Variants in NR2F1-AS1 observed in about 807,000 individuals in gnomAD.
NR2F1-AS1 encodes NR2F1 antisense RNA 1.
intron 4 of NR2F1-AS1, among the ~76,000 whole-genome samples, chr5:93,414,616 T>C (rs914776417): frequency 1.5e-4 from 23 of 152,140 alleles, no homozygotes; most frequent in African/African-American, 5.3e-4. Flanking sequence ...CTGAACCAAT[T>C]GTCATTTCTG....
chr5:93,499,009 G>C (rs1215896859), intron 4 of NR2F1-AS1, among the ~76,000 whole-genome samples: 1 of 152,010 alleles, frequency 6.6e-6, no homozygotes, highest in Non-Finnish European at 1.5e-5. Context: ...AAAAGGAAAA[G>C]CAAGGCAGAG....
At chr5:93,504,841 T>G (rs1209847185) in intron 4 of NR2F1-AS1, among the ~76,000 whole-genome samples, 1 of 152,094 alleles carries the variant, frequency 6.6e-6, no homozygotes, top group Non-Finnish European at 1.5e-5. Context: ...AAGTTGATAT[T>G]TGGGTAGGGA....
At chr5:93,440,292 G>A (rs1225087400) in intron 4 of NR2F1-AS1, among the ~76,000 whole-genome samples, 4 of 151,968 alleles carry the variant, frequency 2.6e-5, no homozygotes, top group African/African-American at 9.7e-5. Context: ...CCAGAAACTT[G>A]ATTAAACATT....
chr5:93,525,441 A>G (rs1444101478), intron 4 of NR2F1-AS1, among the ~76,000 whole-genome samples: 1 of 152,210 alleles, frequency 6.6e-6, no homozygotes, highest in Non-Finnish European at 1.5e-5. Context: ...TGTCAATATT[A>G]GACGGATCAA....
chr5:93,539,708 C>A (rs1359556674), intron 4 of NR2F1-AS1, among the ~76,000 whole-genome samples: 2 of 152,052 alleles, frequency 1.3e-5, no homozygotes, highest in African/African-American at 4.8e-5. Flanking sequence ...AGTAAGGTAA[C>A]TATGGTTAAC....
At chr5:93,572,811 G>A (rs889802142) in intron 1 of NR2F1-AS1, among the ~76,000 whole-genome samples, 2 of 152,360 alleles carry the variant, frequency 1.3e-5, no homozygotes, top group Admixed American at 6.5e-5. Flanking sequence ...ACCTCAGAGG[G>A]CTGCTATTAA....
chr5:93,511,810 G>A (rs1296076153), intron 4 of NR2F1-AS1, among the ~76,000 whole-genome samples: 1 of 152,072 alleles, frequency 6.6e-6, no homozygotes, highest in Admixed American at 6.6e-5. Flanking sequence ...GCATGCGAGG[G>A]ATCTAGACTG....
chr5:93,429,011 C>A (rs970541059), intron 4 of NR2F1-AS1, among the ~76,000 whole-genome samples: 9 of 152,098 alleles, frequency 5.9e-5, no homozygotes, highest in Non-Finnish European at 1.2e-4. Flanking sequence ...ATGGTCTTTG[C>A]AAAGGCCCAG....
intron 4 of NR2F1-AS1, among the ~76,000 whole-genome samples, chr5:93,435,178 T>C (rs1749408331): frequency 6.6e-6 from 1 of 152,242 alleles, no homozygotes; most frequent in Admixed American, 6.5e-5. Context: ...GATTTTCTAA[T>C]ATTATCATTC....
At chr5:93,424,027 C>G (rs1350166884) in intron 4 of NR2F1-AS1, among the ~76,000 whole-genome samples, 1 of 152,136 alleles carries the variant, frequency 6.6e-6, no homozygotes, top group Non-Finnish European at 1.5e-5. Flanking sequence ...AGATCCCCTC[C>G]ACTCCCATTT....
At chr5:93,483,037 C>T (rs1750635490) in intron 4 of NR2F1-AS1, among the ~76,000 whole-genome samples, 1 of 152,224 alleles carries the variant, frequency 6.6e-6, no homozygotes, top group African/African-American at 2.4e-5. Context: ...CAGACTTAAA[C>T]GTTCCTGCCT....
chr5:93,572,843 G>T (rs1487196059), intron 1 of NR2F1-AS1, among the ~76,000 whole-genome samples: 1 of 152,236 alleles, frequency 6.6e-6, no homozygotes, highest in East Asian at 1.9e-4. Flanking sequence ...AGCTGCAAAA[G>T]TAGGTATCCC....
In NR2F1-AS1 at chr5:93,579,538, C is replaced by A. The variant is rs1752970757; in HGVS notation, n.313+929G>T. Among the ~76,000 whole-genome samples the A allele has an allele frequency of 6.6e-6, 1 of 152,154 alleles. No homozygotes were observed. The highest frequency in any genetic ancestry group is 2.4e-5 in the African/African-American group (1 of 41,454). On this transcript the variant is annotated intron_variant and non_coding_transcript_variant, in intron 1 of 5. Transcript: ENST00000660523. The surrounding 1 kb of genome is among the most constrained non-coding windows in gnomAD (Gnocchi z 5.1). ...CCCGTCTCGCCTTGGCCCTCACCTA[C>A]AGGGCCTGACCCCGGGCCAGCCCAG...
intron 4 of NR2F1-AS1, among the ~76,000 whole-genome samples, chr5:93,425,218 T>C (rs536303767): frequency 5.6e-4 from 86 of 152,312 alleles, no homozygotes; most frequent in African/African-American, 2.0e-3. Context: ...CATGTGTTTG[T>C]GATCAAATGG....
upstream of NR2F1-AS1, among the ~76,000 whole-genome samples, chr5:93,582,793 T>C (rs765860495): frequency 6.6e-6 from 1 of 152,182 alleles, no homozygotes; most frequent in Non-Finnish European, 1.5e-5. Flanking sequence ...TGTATGTGTG[T>C]GTGTGTGTGA....
chr5:93,440,309 G>C (rs1749539593), intron 4 of NR2F1-AS1, among the ~76,000 whole-genome samples: 1 of 152,138 alleles, frequency 6.6e-6, no homozygotes, highest in Admixed American at 6.5e-5. Flanking sequence ...CATTGTTACT[G>C]GGTATGTCTC....
At chr5:93,420,747 T>C (rs2079048464) in intron 4 of NR2F1-AS1, among the ~76,000 whole-genome samples, 1 of 152,110 alleles carries the variant, frequency 6.6e-6, no homozygotes. Flanking sequence ...AGTTGAGTTC[T>C]TATCACAGGA....
At chr5:93,425,456 AG>A (rs1281872425) in intron 4 of NR2F1-AS1, among the ~76,000 whole-genome samples, 2 of 152,214 alleles carry the variant, frequency 1.3e-5, no homozygotes, top group Admixed American at 1.3e-4. Context: ...ACCTAGATTC[AG>A]TAGAGAAAGA....
chr5:93,522,614 C>A (rs185323941), intron 4 of NR2F1-AS1, among the ~76,000 whole-genome samples: 5 of 152,280 alleles, frequency 3.3e-5, no homozygotes, highest in East Asian at 3.9e-4. Flanking sequence ...ACGCAGAAGG[C>A]GGGTGACTTC....
Sources: gnomAD v4.1 joint callset for allele counts (sites outside exome capture counted in the v4.1 genomes callset) on GRCh38, gnomAD v4.1.1 for gene constraint, Gnocchi (gnomAD v3.1) non-coding constraint, MANE v1.5 for transcripts, NCBI Gene and HGNC (gene_info 2026-07-23, HGNC 2026-07-21) for gene names.